Variants in CRYZ observed in about 807,000 individuals in gnomAD.
CRYZ encodes the protein crystallin zeta.
In CRYZ, 35 loss-of-function variants were observed where a neutral mutation model predicts 34.1. That is an observed-to-expected ratio of 1.03 (90% CI 0.78 to 1.36). CRYZ has a LOEUF of 1.36. Among genes scored for constraint, CRYZ ranks in the 40% most tolerant of loss-of-function variants. CRYZ has a pLI of 0.00. For missense variants in CRYZ, 403 were observed against 391.8 expected, an observed-to-expected ratio of 1.03 and a Z score of -0.24; for synonymous variants, 137 against 136.5, an observed-to-expected ratio of 1.00 and a Z score of -0.03.
At position 74,723,158 on chromosome 1, in the gene CRYZ, C is replaced by G. The variant is rs2100722663; in HGVS notation, c.224G>C (p.Gly75Ala). 1.2e-6 allele frequency: 2 copies of G among 1,613,848 alleles called. No homozygotes were observed. Among genetic ancestry groups the G allele is most frequent in the Non-Finnish European group, 1.7e-6 (2 of 1,179,936 alleles). ...ATTATCTCCAACAGCTTCTATCACC[C>G]CAGCCACATCTGAGCCAGGAGTATA... Reference protein sequence around the residue: ...LPYTPGSDVAGVIEAVGDNAS... With the variant: ...LPYTPGSDVAAVIEAVGDNAS... Residue 75 changes from glycine (G) to alanine (A), a missense_variant, in exon 3 of 9, where the codon GGG becomes GCG. Transcript: ENST00000340866.
chr1:74,732,609 G>A (rs1235884209), intron 1 of CRYZ, among the ~76,000 whole-genome samples: 4 of 93,978 alleles, frequency 4.3e-5, no homozygotes, highest in Admixed American at 1.0e-4. Flanking sequence ...GGGGGGGGGG[G>A]GGGGGGTGCA....
intron 5 of CRYZ, among the ~76,000 whole-genome samples, chr1:74,710,990 C>T (rs756660062): frequency 6.6e-6 from 1 of 152,182 alleles, no homozygotes; most frequent in South Asian, 2.1e-4. Flanking sequence ...AAAATGAGAC[C>T]TGAAAAAAGT....
intron 1 of CRYZ, among the ~76,000 whole-genome samples, chr1:74,727,349 G>A (rs935310430): frequency 6.7e-4 from 99 of 148,772 alleles, no homozygotes; most frequent in African/African-American, 2.1e-3. Flanking sequence ...GGCACAACTT[G>A]CATGGTGGCA....
intron 1 of CRYZ, chr1:74,732,629 T>TGGGGGGGGGGGGGGG: frequency 1.0e-4 from 1 of 9,902 alleles, no homozygotes. Context: ...AGCGTGGGGC[T>TGGGGGGGGGGGGGGG]GGGGGACAGG....
intron 1 of CRYZ, among the ~76,000 whole-genome samples, chr1:74,725,305 G>A (rs1261711808): frequency 6.6e-6 from 1 of 152,144 alleles, no homozygotes. Context: ...AAAGGAAACA[G>A]GTTTAATGGA....
intron 3 of CRYZ, among the ~76,000 whole-genome samples, chr1:74,722,791 A>G (rs993944788): frequency 5.9e-5 from 9 of 152,310 alleles, no homozygotes; most frequent in Admixed American, 2.0e-4. Context: ...CTTATGTATC[A>G]TCAAGAGTTA....
At chr1:74,729,385 C>A (rs1232001767) in intron 1 of CRYZ, among the ~76,000 whole-genome samples, 1 of 151,006 alleles carries the variant, frequency 6.6e-6, no homozygotes, top group African/African-American at 2.4e-5. Flanking sequence ...TTGTTTTCCC[C>A]TCTATTCTTC....
rs1646919757 is a variant in CRYZ at position 74,705,718 on chromosome 1, A to T, written c.*578T>A. On this transcript the variant is annotated 3_prime_UTR_variant, in exon 9 of 9. Transcript: ENST00000340866. Reference sequence around the variant, plus strand: ...CTATTCTCACAGAACATATGGGGTCATTGGCAGCCAACCAATAATGAAGTA... The same window carrying T: ...CTATTCTCACAGAACATATGGGGTCTTTGGCAGCCAACCAATAATGAAGTA... 6.6e-6 allele frequency: 1 copy of T among 152,176 alleles called. No individual in the cohort carries two copies. The highest frequency in any genetic ancestry group is 2.4e-5 in the African/African-American group (1 of 41,446). 9.4% of individuals were successfully genotyped at this position (152,176 alleles called of 1,614,324 possible).
rs57891038 is a variant in CRYZ, at chr1:74,710,030, A to G, written c.630+68T>C. Reference sequence around the variant, plus strand: ...TTTAAAGGAGTAGTTGGTTAAAAACATATTAAAAAACCACGCAAGTCTCCA... The same window carrying G: ...TTTAAAGGAGTAGTTGGTTAAAAACGTATTAAAAAACCACGCAAGTCTCCA... On this transcript the variant is annotated intron_variant, in intron 6 of 8. Coordinates refer to ENST00000340866, the MANE Select transcript of CRYZ (RefSeq NM_001889.4). The G allele has an allele frequency of 9.2e-3, 12,819 of 1,398,632 alleles. 794 individuals are homozygous for G. In the African/African-American group the frequency reaches 0.15, roughly 16 times the overall value. 86.6% of individuals were successfully genotyped at this position (1,398,632 alleles called of 1,614,324 possible).
At chr1:74,719,791 G>A (rs1198887790) in intron 3 of CRYZ, among the ~76,000 whole-genome samples, 1 of 151,948 alleles carries the variant, frequency 6.6e-6, no homozygotes, top group East Asian at 1.9e-4. Context: ...ACCATGCCCA[G>A]CCATAAATCA....
chr1:74,727,644 CA>C (rs1169467605), intron 1 of CRYZ, among the ~76,000 whole-genome samples: 84 of 48,690 alleles, frequency 1.7e-3, no homozygotes, highest in Non-Finnish European at 2.4e-3. Context: ...GACTCTGTCT[CA>C]AAAAAAAAAA....
In CRYZ at chr1:74,727,316, C is replaced by A. The variant is rs1043828163; in HGVS notation, c.-13-2482G>T. ...GTTTCACGTGGCTGGGGAGACCTCA[C>A]AATTATGGCAAAGGAGAACAAAGGC... On this transcript the variant is annotated intron_variant, in intron 1 of 8. Transcript: ENST00000340866. Among the ~76,000 whole-genome samples the A allele has an allele frequency of 6.0e-5, 9 of 149,458 alleles. No individual in the cohort carries two copies. The South Asian group carries it at 6.4e-4, about 11-fold the overall frequency.
chr1:74,723,286 AT>A lies in CRYZ; in HGVS notation c.112-17del. ...TGATTAGAACCTGCAATGACAATGT[AT>A]TTTAGTTCACAGAAAGAATTTAGGC... is the stretch of plus-strand genomic sequence containing the variant. On this transcript the variant is annotated splice_polypyrimidine_tract_variant and intron_variant, in intron 2 of 8. Transcript: ENST00000340866. The A allele has an allele frequency of 6.2e-7, 1 of 1,604,312 alleles. No individual in the cohort carries two copies. Among genetic ancestry groups the A allele is most frequent in the Non-Finnish European group, 8.5e-7 (1 of 1,177,014 alleles).
intron 6 of CRYZ, 148 bp downstream of exon 6, chr1:74,709,950 A>AAATT: frequency 1.6e-6 from 1 of 624,918 alleles, no homozygotes. Flanking sequence ...TTTTTTAAAT[A>AAATT]AAGTTTTAAA....
At chr1:74,724,901 T>C (rs887391933) in intron 1 of CRYZ, 67 bp from the exon 2 acceptor site, 3 of 888,714 alleles carry the variant, frequency 3.4e-6, no homozygotes, top group Middle Eastern at 2.3e-4. Flanking sequence ...TTTTCCCCCC[T>C]GGAGGGAGCA....
intron 6 of CRYZ, among the ~76,000 whole-genome samples, chr1:74,709,776 A>G (rs1376995941): frequency 6.6e-6 from 1 of 152,214 alleles, no homozygotes; most frequent in African/African-American, 2.4e-5. Context: ...AATTATATTA[A>G]GAATACCTCA....
At position 74,723,216 on chromosome 1, in the gene CRYZ, A is replaced by G. The variant is rs1337444501; in HGVS notation, c.166T>C (p.Ser56Pro). ...GVNPVETYIR[S>P]GTYSRKPLLP... ...AGTGGTTTTCTACTATAAGTACCAG[A>G]GCGAATGTATGTCTCCACGGGGTTG... is the stretch of plus-strand genomic sequence containing the variant. The change falls in exon 3 of 9, where the codon TCT becomes CCT. Residue 56 changes from serine to proline, a missense_variant. Ser to Pro is a moderately conservative substitution (Grantham distance 74). Transcript: ENST00000340866. 1.3e-5 allele frequency: 21 copies of G among 1,614,020 alleles called. No homozygotes were observed. Among genetic ancestry groups the G allele is most frequent in the Non-Finnish European group, 1.8e-5 (21 of 1,179,938 alleles).
intron 8 of CRYZ, 49 bp from the exon 9 acceptor site, chr1:74,706,506 A>C (rs765320694): frequency 1.3e-6 from 2 of 1,511,084 alleles, no homozygotes; most frequent in Non-Finnish European, 1.8e-6. Context: ...CGTATGATTT[A>C]ATTTTCAGAA....
intron 3 of CRYZ, among the ~76,000 whole-genome samples, chr1:74,720,674 C>T (rs1302274190): frequency 6.6e-6 from 1 of 152,120 alleles, no homozygotes; most frequent in Non-Finnish European, 1.5e-5. Context: ...AGACAAGTAT[C>T]ACCGCTTAAT....
Sources: gnomAD v4.1 joint callset for allele counts (sites outside exome capture counted in the v4.1 genomes callset) on GRCh38, gnomAD v4.1.1 for gene constraint, MANE v1.5 for transcripts, NCBI Gene and HGNC (gene_info 2026-07-23, HGNC 2026-07-21) for gene names.